FAM222B: variants seen among roughly 807,000 people sequenced by gnomAD.
The protein encoded by FAM222B is family with sequence similarity 222 member B.
A neutral mutation model predicts 38.0 loss-of-function variants in FAM222B; 12 were observed. That is an observed-to-expected ratio of 0.32 (90% CI 0.20 to 0.51). The LOEUF is 0.51. Among genes scored for constraint, FAM222B ranks in the 20% least tolerant of loss-of-function variants. FAM222B has a pLI of 0.97. For missense variants in FAM222B, 716 were observed against 754.2 expected (o/e 0.95, Z 0.59); for synonymous variants, 329 against 317.2 (o/e 1.04, Z -0.40).
At chr17:28,854,649 G>T (rs1347185568) in intron 1 of FAM222B, among the ~76,000 whole-genome samples, 1 of 152,136 alleles carries the variant, frequency 6.6e-6, no homozygotes, top group African/African-American at 2.4e-5. Flanking sequence ...CCCTTACGGG[G>T]ACAGGCGGAA....
chr17:28,801,451 CAAA>C (rs766189732), intron 1 of FAM222B, among the ~76,000 whole-genome samples: 87 of 90,284 alleles, frequency 9.6e-4, no homozygotes, highest in African/African-American at 2.7e-3. Context: ...GACTCCGTCT[CAAA>C]AAAAAAAAAA....
chr17:28,819,620 T>C lies in FAM222B; in HGVS notation c.-41+23062A>G, dbSNP rs377728271. ...GAAATACCTAATCTAGGAAGGAAAC[T>C]ATTCAATATAATGGATACATATAAG... On this transcript the variant is annotated intron_variant, in intron 1 of 2. Transcript: ENST00000581407. Among the ~76,000 whole-genome samples the C allele has an allele frequency of 3.3e-5, 5 of 152,286 alleles. No individual in the cohort carries two copies. In the East Asian group the frequency reaches 9.6e-4, roughly 29 times the overall value.
chr17:28,853,941 C>CT (rs34393247), intron 1 of FAM222B, among the ~76,000 whole-genome samples: 6,076 of 119,970 alleles, frequency 0.051, 327 homozygotes, highest in East Asian at 0.14. Flanking sequence ...ATCTCTGTTT[C>CT]TTTTTTTTTT....
At chr17:28,790,456 C>T (rs567957772) in intron 1 of FAM222B, 1 of 152,180 alleles carries the variant, frequency 6.6e-6, no homozygotes, top group Non-Finnish European at 1.5e-5. Flanking sequence ...AAATTAAACA[C>T]AAGGAACCAC....
At chr17:28,843,648 A>G (rs946036856), upstream of FAM222B, among the ~76,000 whole-genome samples, 7 of 151,752 alleles carry the variant, frequency 4.6e-5, no homozygotes, top group Non-Finnish European at 8.8e-5. Context: ...GGGTTTCACC[A>G]TGTTGGCCAG....
intron 1 of FAM222B, among the ~76,000 whole-genome samples, chr17:28,820,340 ACT>A (rs1425477619): frequency 6.6e-6 from 1 of 152,054 alleles, no homozygotes; most frequent in African/African-American, 2.4e-5. Flanking sequence ...CTATATTTAG[ACT>A]CTGGTATGGA....
At chr17:28,824,851 C>T (rs1397182845) in intron 1 of FAM222B, among the ~76,000 whole-genome samples, 7 of 152,074 alleles carry the variant, frequency 4.6e-5, no homozygotes, top group Non-Finnish European at 8.8e-5. Flanking sequence ...CTCAGCTCAC[C>T]GCAACCCAGG....
At chr17:28,763,780 T>C (rs1249153014) in intron 2 of FAM222B, among the ~76,000 whole-genome samples, 2 of 152,210 alleles carry the variant, frequency 1.3e-5, no homozygotes, top group Non-Finnish European at 2.9e-5. Context: ...TGACAACATA[T>C]GTGAAAATAT....
chr17:28,780,953 A>G (rs1406369958), intron 1 of FAM222B, among the ~76,000 whole-genome samples: 1 of 152,050 alleles, frequency 6.6e-6, no homozygotes, highest in Non-Finnish European at 1.5e-5. Context: ...ATATTTGCAA[A>G]CCATACATCC....
chr17:28,848,475 AG>A (rs2039160136), intron 1 of FAM222B, among the ~76,000 whole-genome samples: 1 of 152,062 alleles, frequency 6.6e-6, no homozygotes, highest in African/African-American at 2.4e-5. Context: ...AAATTCAAGT[AG>A]GGGCCCGGGC....
intron 1 of FAM222B, among the ~76,000 whole-genome samples, chr17:28,832,945 A>AG (rs2038714785): frequency 6.9e-6 from 1 of 144,446 alleles, no homozygotes; most frequent in Admixed American, 7.1e-5. Context: ...CTGAGCCAGG[A>AG]GGATCACTTG....
intron 2 of FAM222B, among the ~76,000 whole-genome samples, chr17:28,762,497 C>T (rs372068112): frequency 5.4e-4 from 82 of 151,142 alleles, no homozygotes; most frequent in African/African-American, 1.8e-3. Flanking sequence ...GATGGTGGAG[C>T]GCACTTGTAG....
chr17:28,766,359 C>A (rs2035326670), intron 2 of FAM222B, among the ~76,000 whole-genome samples: 1 of 151,212 alleles, frequency 6.6e-6, no homozygotes, highest in Non-Finnish European at 1.5e-5. Context: ...GAGGCTGAAG[C>A]AAGAGAATTG....
intron 1 of FAM222B, among the ~76,000 whole-genome samples, chr17:28,838,646 C>T (rs1215174261): frequency 6.6e-6 from 1 of 152,030 alleles, no homozygotes; most frequent in African/African-American, 2.4e-5. Context: ...GTGGCTCACA[C>T]CTGCAATCCC....
rs777213113 is a variant in FAM222B, at chr17:28,759,254, G to T, written c.705C>A (p.Asp235Glu). The change falls in exon 3 of 3, where the codon GAC (aspartate) becomes GAA (glutamate). Residue 235 changes from aspartate (D) to glutamate (E), a missense_variant. Physicochemically the swap from Asp to Glu is conservative, Grantham distance 45 (BLOSUM62 2). Transcript: ENST00000581407. The surrounding 1 kb of genome is among the most constrained non-coding windows in gnomAD (Gnocchi z 4.8). ...PLLHGGRKMP[D>E]SDAPPNVTVS... ...CGGTCACATTCGGGGGGGCATCTGA[G>T]TCTGGCATCTTCCGGCCTCCATGCA... The T allele has an allele frequency of 1.2e-6, 2 of 1,613,552 alleles. No homozygotes were observed. Among genetic ancestry groups the T allele is most frequent in the Non-Finnish European group, 1.7e-6 (2 of 1,179,792 alleles).
intron 1 of FAM222B, among the ~76,000 whole-genome samples, chr17:28,823,229 A>T (rs2038325981): frequency 6.6e-6 from 1 of 151,926 alleles, no homozygotes; most frequent in African/African-American, 2.4e-5. Context: ...CTACAATTAG[A>T]CTTCTATTTC....
At chr17:28,830,362 G>A (rs2038624255) in intron 1 of FAM222B, among the ~76,000 whole-genome samples, 1 of 151,560 alleles carries the variant, frequency 6.6e-6, no homozygotes, top group South Asian at 2.1e-4. Context: ...CGGTTTCACC[G>A]TGTTAGCCGG....
intron 1 of FAM222B, among the ~76,000 whole-genome samples, chr17:28,772,488 G>C (rs1045939011): frequency 1.3e-5 from 2 of 150,552 alleles, no homozygotes; most frequent in Admixed American, 1.3e-4. Flanking sequence ...ACTTTGGGAG[G>C]CCGAGGCGGG....
chr17:28,833,158 A>T (rs551084269), intron 1 of FAM222B, among the ~76,000 whole-genome samples: 1 of 151,810 alleles, frequency 6.6e-6, no homozygotes, highest in Admixed American at 6.6e-5. Flanking sequence ...AAATACAAAA[A>T]ATTAGCCAGG....
Sources: gnomAD v4.1 joint callset for allele counts (sites outside exome capture counted in the v4.1 genomes callset) on GRCh38, gnomAD v4.1.1 for gene constraint, Gnocchi (gnomAD v3.1) non-coding constraint, MANE v1.5 for transcripts, NCBI Gene and HGNC (gene_info 2026-07-23, HGNC 2026-07-21) for gene names.